MAP2K2: variants seen among roughly 807,000 people sequenced by gnomAD.
The protein encoded by MAP2K2 is dual specificity mitogen-activated protein kinase kinase 2.
A neutral mutation model predicts 43.7 loss-of-function variants in MAP2K2; 24 were observed. The observed-to-expected ratio is 0.55, with a 90% CI of 0.40 to 0.77. The LOEUF is 0.77. MAP2K2 is among the 30% of genes least tolerant of loss of function. MAP2K2 has a pLI of 0.00. For synonymous variants in MAP2K2, 244 were observed against 239.7 expected (o/e 1.02, Z -0.17); for missense variants, 470 against 566.8 (o/e 0.83, Z 1.73).
chr19:4,104,618 C>G (rs1416852319), intron 3 of MAP2K2: 1 of 152,276 alleles, frequency 6.6e-6, no homozygotes, highest in Non-Finnish European at 1.5e-5. Flanking sequence ...ACCAAACAGA[C>G]GCACCAAACG....
At chr19:4,093,124 A>G (rs1427202271) in intron 10 of MAP2K2, among the ~76,000 whole-genome samples, 1 of 152,150 alleles carries the variant, frequency 6.6e-6, no homozygotes, top group Non-Finnish European at 1.5e-5. Flanking sequence ...AGGCTAAGAC[A>G]GGAGAATTCC....
intron 2 of MAP2K2, among the ~76,000 whole-genome samples, chr19:4,116,164 T>C (rs350893): frequency 0.78 from 118,221 of 152,122 alleles, 46,058 homozygotes; most frequent in East Asian, 0.92. Flanking sequence ...ACCTTTAAAT[T>C]GGCAGACTCT....
chr19:4,102,281 C>G, intron 4 of MAP2K2, 95 bp downstream of exon 4: 4 of 1,090,834 alleles, frequency 3.7e-6, no homozygotes, highest in Admixed American at 4.0e-5. Context: ...CCCTAACCCC[C>G]ACCACACTGT....
intron 6 of MAP2K2, 95 bp from the exon 7 acceptor site, chr19:4,099,509 C>T (rs1381456101): frequency 1.0e-6 from 1 of 980,556 alleles, no homozygotes; most frequent in Non-Finnish European, 1.6e-6. Flanking sequence ...TCACCCTCTC[C>T]ATGGCTAATG....
intron 6 of MAP2K2, 148 bp downstream of exon 6, chr19:4,100,871 G>T: frequency 1.1e-6 from 1 of 907,670 alleles, no homozygotes; most frequent in Non-Finnish European, 1.7e-6. Flanking sequence ...GGCGGGGAGA[G>T]CTGCGCAGGA....
chr19:4,108,597 G>A (rs1568258718), intron 3 of MAP2K2, among the ~76,000 whole-genome samples: 2 of 152,126 alleles, frequency 1.3e-5, no homozygotes, highest in African/African-American at 2.4e-5. Flanking sequence ...CAGACAGCAC[G>A]GCCTGTGTCT....
intron 10 of MAP2K2, among the ~76,000 whole-genome samples, chr19:4,092,325 C>G (rs2040861777): frequency 6.6e-6 from 1 of 152,118 alleles, no homozygotes; most frequent in African/African-American, 2.4e-5. Flanking sequence ...TCAGCCAGGC[C>G]CAGTGGCTCA....
chr19:4,109,765 C>T (rs1349396909), intron 3 of MAP2K2, among the ~76,000 whole-genome samples: 8 of 152,114 alleles, frequency 5.3e-5, no homozygotes, highest in African/African-American at 1.2e-4. Flanking sequence ...CATGAGCCAC[C>T]GTGCCCGGCC....
rs891927882 is a variant in MAP2K2, at chr19:4,101,879, C to A, written c.528+497G>T. ...CTCGGCCCCTGCTATGGACAAGGTGCAAGCTCCAAGAAGCAACACGCACGG... is the reference window on the plus strand; with the variant it reads ...CTCGGCCCCTGCTATGGACAAGGTGAAAGCTCCAAGAAGCAACACGCACGG... On this transcript the variant is annotated intron_variant, in intron 4 of 10. Transcript: ENST00000262948. This position sits in a 1 kb window ranked among gnomAD's most constrained non-coding sequence, Gnocchi z 6.3. Among the ~76,000 whole-genome samples the A allele has an allele frequency of 6.6e-6, 1 of 152,178 alleles. No homozygotes were observed. The highest frequency in any genetic ancestry group is 6.5e-5 in the Admixed American group (1 of 15,274).
chr19:4,095,324 G>C, intron 9 of MAP2K2, 64 bp downstream of exon 9: 1 of 1,475,748 alleles, frequency 6.8e-7, no homozygotes, highest in Non-Finnish European at 9.2e-7. Context: ...GCCCCACCCA[G>C]GACCCGGAAG....
intron 2 of MAP2K2, among the ~76,000 whole-genome samples, chr19:4,114,574 G>A (rs1017030241): frequency 2.6e-5 from 4 of 152,250 alleles, no homozygotes; most frequent in Non-Finnish European, 2.9e-5. Context: ...CCCAGGTAAC[G>A]CGGGGACGCT....
chr19:4,094,858 C>T (rs2040893667), intron 9 of MAP2K2: 7 of 420,772 alleles, frequency 1.7e-5, no homozygotes, highest in South Asian at 1.4e-4. Flanking sequence ...GGGGCAACTC[C>T]GGCACCAGGA....
intron 7 of MAP2K2, among the ~76,000 whole-genome samples, 164 bp from the exon 8 acceptor site, chr19:4,097,507 C>T (rs2040936770): frequency 6.6e-6 from 1 of 152,176 alleles, no homozygotes; most frequent in Non-Finnish European, 1.5e-5. Context: ...CCCTGCCTGA[C>T]TCTGGGTTCC....
At chr19:4,113,014 G>A (rs923991771) in intron 2 of MAP2K2, among the ~76,000 whole-genome samples, 17 of 152,302 alleles carry the variant, frequency 1.1e-4, no homozygotes, top group Middle Eastern at 3.4e-3. Context: ...TTAAGAGCCC[G>A]GTAGCCACAT....
At chr19:4,112,088 C>T (rs530068789) in intron 2 of MAP2K2, among the ~76,000 whole-genome samples, 36 of 152,198 alleles carry the variant, frequency 2.4e-4, no homozygotes, top group Non-Finnish European at 4.3e-4. Context: ...GGCTTTGGGA[C>T]GGCACCCTGG....
intron 2 of MAP2K2, among the ~76,000 whole-genome samples, chr19:4,116,530 C>A (rs987567206): frequency 6.6e-6 from 1 of 151,450 alleles, no homozygotes; most frequent in Non-Finnish European, 1.5e-5. Context: ...TCTCTCTCTA[C>A]ACATACACTC....
intron 2 of MAP2K2, among the ~76,000 whole-genome samples, chr19:4,113,909 T>C (rs934414864): frequency 2.0e-5 from 3 of 152,114 alleles, no homozygotes; most frequent in African/African-American, 7.2e-5. Context: ...AAATCATGGA[T>C]CAGAAACTGA....
chr19:4,101,344 C>CG lies in MAP2K2; in HGVS notation c.529-65dup, dbSNP rs1314546244. 4 of 1,526,268 alleles carry CG rather than the reference C, an allele frequency of 2.6e-6. No homozygotes were observed. The highest frequency in any genetic ancestry group is 1.8e-6 in the Non-Finnish European group (2 of 1,124,986). The allele number at this position is 1,526,268 out of a possible 1,614,324, so 94.5% of individuals were successfully genotyped here. On this transcript the variant is annotated intron_variant, in intron 4 of 10. Transcript: ENST00000262948. This position sits in a 1 kb window ranked among gnomAD's most constrained non-coding sequence, Gnocchi z 6.3. Reference sequence around the variant, plus strand: ...CCAGGGCTTAGCTCCTGACCGAGCCCGGGGGTCAGAGCTGAGCAGTCAGAG... The same window carrying CG: ...CCAGGGCTTAGCTCCTGACCGAGCCCGGGGGGTCAGAGCTGAGCAGTCAGAG...
intron 3 of MAP2K2, among the ~76,000 whole-genome samples, chr19:4,109,978 C>T (rs2041134034): frequency 6.6e-6 from 1 of 151,998 alleles, no homozygotes; most frequent in Admixed American, 6.6e-5. Context: ...AGAGAAAAAG[C>T]AAAGCTGGGA....
Sources: gnomAD v4.1 joint callset for allele counts (sites outside exome capture counted in the v4.1 genomes callset) on GRCh38, gnomAD v4.1.1 for gene constraint, Gnocchi (gnomAD v3.1) non-coding constraint, MANE v1.5 for transcripts, NCBI Gene and HGNC (gene_info 2026-07-23, HGNC 2026-07-21) for gene names.